Variants in WDR37 observed in about 807,000 individuals in gnomAD.
The protein encoded by WDR37 is WD repeat-containing protein 37.
WDR37 carries 19 observed loss-of-function variants against 62.9 expected under a neutral mutation model. The observed-to-expected ratio is 0.30, with a 90% confidence interval of 0.21 to 0.44. The LOEUF (loss-of-function observed/expected upper bound fraction) is 0.44, where lower values mean the gene tolerates loss of function less well. WDR37 is among the 20% of genes least tolerant of loss of function. The probability of loss-of-function intolerance (pLI) is 1.00; values close to 1 mark genes in which losing one functional copy is unlikely to be tolerated. For synonymous variants in WDR37, 250 were observed against 260.9 expected (o/e 0.96, Z 0.40); for missense variants, 474 against 657.6 (o/e 0.72, Z 3.05).
chr10:1,085,997 T>G (rs1177596904), intron 6 of WDR37, among the ~76,000 whole-genome samples: 1 of 152,234 alleles, frequency 6.6e-6, no homozygotes, highest in Non-Finnish European at 1.5e-5. Flanking sequence ...GGGAACGACC[T>G]CTGTCTGTCA....
At chr10:1,069,389 ATTTTTTT>A (rs377212232) in intron 1 of WDR37, among the ~76,000 whole-genome samples, 1 of 95,806 alleles carries the variant, frequency 1.0e-5, no homozygotes, top group East Asian at 3.4e-4. Flanking sequence ...ATATATATAT[ATTTTTTT>A]TTTTTTTTTT....
At chr10:1,124,191 A>C (rs753480134) in intron 11 of WDR37, 27 bp from the exon 12 acceptor site, 19 of 1,613,694 alleles carry the variant, frequency 1.2e-5, no homozygotes, top group Non-Finnish European at 1.4e-5. Context: ...CTGCTGTTGC[A>C]TCTGACTCTG....
intron 13 of WDR37, among the ~76,000 whole-genome samples, chr10:1,127,717 T>A: frequency 6.6e-6 from 1 of 152,052 alleles, no homozygotes; most frequent in South Asian, 2.1e-4. Flanking sequence ...CTCTGTGACG[T>A]GGAGGCTCAC....
chr10:1,072,231 C>A lies in WDR37; in HGVS notation c.76C>A (p.Arg26=), dbSNP rs774499095. 5.6e-6 allele frequency: 9 copies of A among 1,614,106 alleles called. No homozygotes were observed. Among genetic ancestry groups the A allele is most frequent in the Non-Finnish European group, 6.8e-6 (8 of 1,180,030 alleles). Residue 26 remains arginine (R), a synonymous_variant, in exon 2 of 14, where the codon CGA becomes AGA. Transcript: ENST00000263150. ...GCGCAAATCCCATAGCCTTTCTATA[C>A]GAAGAACTAACAGCTCGGAGCAGGA... ...QKRKSHSLSI[R]RTNSSEQERT... is the part of the protein sequence containing the mutation.
chr10:1,114,717 G>T (rs1174503547), intron 11 of WDR37, among the ~76,000 whole-genome samples: 2 of 152,228 alleles, frequency 1.3e-5, no homozygotes, highest in Non-Finnish European at 2.9e-5. Flanking sequence ...AGGAGCTGCA[G>T]CTGGAAGTCA....
At chr10:1,082,561 T>C (rs889325997) in intron 5 of WDR37, among the ~76,000 whole-genome samples, 1 of 152,246 alleles carries the variant, frequency 6.6e-6, no homozygotes, top group African/African-American at 2.4e-5. Context: ...TGAGCGTCAG[T>C]TTGCGGCTTT....
intron 6 of WDR37, among the ~76,000 whole-genome samples, chr10:1,085,592 A>G (rs1834174178): frequency 6.6e-6 from 1 of 152,244 alleles, no homozygotes; most frequent in Non-Finnish European, 1.5e-5. Context: ...ATGCCGTCCC[A>G]GCTTGTGAGA....
chr10:1,093,959 T>C (rs1194470089), intron 8 of WDR37, among the ~76,000 whole-genome samples: 1 of 152,238 alleles, frequency 6.6e-6, no homozygotes, highest in Non-Finnish European at 1.5e-5. Flanking sequence ...GGATTTGCTA[T>C]AATTTCAGAG....
chr10:1,111,395 T>C (rs1171511939), intron 11 of WDR37, among the ~76,000 whole-genome samples: 1 of 152,110 alleles, frequency 6.6e-6, no homozygotes, highest in Non-Finnish European at 1.5e-5. Context: ...CCCCACTTTC[T>C]TTTTTTTCTT....
chr10:1,100,754 C>T (rs1276216006), intron 9 of WDR37, among the ~76,000 whole-genome samples: 1 of 152,220 alleles, frequency 6.6e-6, no homozygotes, highest in African/African-American at 2.4e-5. Flanking sequence ...CACCCCGTGG[C>T]TGCTCCTGGC....
chr10:1,104,996 C>G, intron 10 of WDR37, 130 bp from the exon 11 acceptor site: 1 of 1,139,982 alleles, frequency 8.8e-7, no homozygotes. Flanking sequence ...CCACATGCTG[C>G]TGAGTGATTC....
At chr10:1,100,916 C>G (rs1327809389) in intron 9 of WDR37, among the ~76,000 whole-genome samples, 1 of 152,212 alleles carries the variant, frequency 6.6e-6, no homozygotes, top group Non-Finnish European at 1.5e-5. Context: ...GCCCCCCGTC[C>G]CGACTGAGCT....
intron 5 of WDR37, among the ~76,000 whole-genome samples, chr10:1,084,183 G>C (rs544462554): frequency 4.6e-5 from 7 of 152,254 alleles, no homozygotes; most frequent in Admixed American, 1.3e-4. Flanking sequence ...TGCACAGGTC[G>C]CCGCGAGAGC....
At chr10:1,061,798 C>G (rs1214082089) in intron 1 of WDR37, among the ~76,000 whole-genome samples, 1 of 151,192 alleles carries the variant, frequency 6.6e-6, no homozygotes, top group Non-Finnish European at 1.5e-5. Context: ...GAGGTTAACA[C>G]CACTGCACTC....
intron 1 of WDR37, among the ~76,000 whole-genome samples, chr10:1,066,401 C>G (rs1302542283): frequency 6.6e-6 from 1 of 152,202 alleles, no homozygotes; most frequent in African/African-American, 2.4e-5. Flanking sequence ...TAGGCGTGAG[C>G]CACCTCGCCC....
At chr10:1,076,813 C>T (rs1360187278) in intron 2 of WDR37, among the ~76,000 whole-genome samples, 8 of 151,094 alleles carry the variant, frequency 5.3e-5, no homozygotes, top group Admixed American at 1.3e-4. Flanking sequence ...GAGGCTGAGG[C>T]GGGCGGATCA....
At chr10:1,073,187 CTA>C (rs1437059614) in intron 2 of WDR37, among the ~76,000 whole-genome samples, 3 of 152,060 alleles carry the variant, frequency 2.0e-5, no homozygotes, top group South Asian at 2.1e-4. Flanking sequence ...AAAATAAGCT[CTA>C]GATATATCTA....
chr10:1,094,020 A>G (rs575796093), intron 8 of WDR37, among the ~76,000 whole-genome samples: 1 of 152,348 alleles, frequency 6.6e-6, no homozygotes, highest in African/African-American at 2.4e-5. Flanking sequence ...GTAGCCTTAC[A>G]GTACTGAGGA....
At chr10:1,125,056 C>A in intron 13 of WDR37, 32 bp downstream of exon 13, 1 of 1,611,686 alleles carries the variant, frequency 6.2e-7, no homozygotes, top group Non-Finnish European at 8.5e-7. Flanking sequence ...ATATGCAGGG[C>A]ACAGTGGAGG....
Sources: allele counts gnomAD v4.1 joint callset (sites outside exome capture counted in the v4.1 genomes callset), GRCh38; gene constraint gnomAD v4.1.1; transcripts MANE v1.5; gene names NCBI Gene and HGNC (gene_info 2026-07-23, HGNC 2026-07-21).